DCC: variants seen among roughly 807,000 people sequenced by gnomAD.
The protein encoded by DCC is DCC netrin 1 receptor.
A neutral mutation model predicts 172.5 loss-of-function variants in DCC; 58 were observed. The observed-to-expected ratio is 0.34, with a 90% CI of 0.27 to 0.42. The LOEUF is 0.42. Among genes scored for constraint, DCC ranks in the 10% least tolerant of loss-of-function variants. DCC has a pLI of 1.00. For missense variants in DCC, 1,740 were observed against 1,791.0 expected (o/e 0.97, Z 0.51); for synonymous variants, 709 against 644.5 (o/e 1.10, Z -1.52).
intron 7 of DCC, among the ~76,000 whole-genome samples, chr18:53,134,142 A>G (rs1263763018): frequency 1.3e-5 from 2 of 152,168 alleles, no homozygotes; most frequent in East Asian, 1.9e-4. Flanking sequence ...TTAAATATCT[A>G]TTTACAGCAA....
chr18:53,529,191 G>A (rs954434321), intron 28 of DCC, among the ~76,000 whole-genome samples: 1 of 152,076 alleles, frequency 6.6e-6, no homozygotes, highest in Non-Finnish European at 1.5e-5. Flanking sequence ...GACATGCTGA[G>A]ATTTCTATAG....
chr18:52,356,458 G>A (rs977541418), intron 1 of DCC, among the ~76,000 whole-genome samples: 32 of 152,164 alleles, frequency 2.1e-4, no homozygotes, highest in East Asian at 1.4e-3. Flanking sequence ...TACATTTTGC[G>A]GCCAAAGGGC....
chr18:53,494,750 T>C (rs1214641319), intron 26 of DCC, among the ~76,000 whole-genome samples: 1 of 152,238 alleles, frequency 6.6e-6, no homozygotes, highest in Non-Finnish European at 1.5e-5. Context: ...CTGATGGGTC[T>C]TGATTCTTTA....
chr18:53,109,616 C>G (rs2043301429), intron 7 of DCC, among the ~76,000 whole-genome samples: 1 of 125,622 alleles, frequency 8.0e-6, no homozygotes, highest in South Asian at 2.8e-4. Context: ...TTCCTTCTTT[C>G]CTTAGCTGGT....
intron 1 of DCC, among the ~76,000 whole-genome samples, chr18:52,643,517 C>T (rs2034952520): frequency 6.6e-6 from 1 of 152,176 alleles, no homozygotes; most frequent in Non-Finnish European, 1.5e-5. Context: ...CCTCCTGAAA[C>T]TATATTTTCT....
chr18:53,138,283 C>T (rs1477027300), intron 7 of DCC, among the ~76,000 whole-genome samples: 1 of 152,140 alleles, frequency 6.6e-6, no homozygotes, highest in Non-Finnish European at 1.5e-5. Context: ...TTTCCATCTT[C>T]CTCGTCAGTA....
At chr18:53,364,403 T>G (rs1480090839) in intron 15 of DCC, among the ~76,000 whole-genome samples, 3 of 152,042 alleles carry the variant, frequency 2.0e-5, no homozygotes, top group African/African-American at 7.2e-5. Context: ...AACTGGGAAA[T>G]GTAGTCTAAT....
chr18:53,145,602 C>T (rs1312085689), intron 7 of DCC, among the ~76,000 whole-genome samples: 1 of 152,100 alleles, frequency 6.6e-6, no homozygotes, highest in African/African-American at 2.4e-5. Context: ...TATATTTCTG[C>T]TGTTGATAGA....
intron 2 of DCC, among the ~76,000 whole-genome samples, chr18:52,846,595 T>TGC (rs200781139): frequency 0.031 from 3,869 of 123,194 alleles, 163 homozygotes; most frequent in African/African-American, 0.11. Context: ...TATCTCCCCC[T>TGC]TCTGCCACTC....
intron 5 of DCC, among the ~76,000 whole-genome samples, chr18:53,005,019 T>C (rs2041623113): frequency 6.6e-6 from 1 of 152,166 alleles, no homozygotes; most frequent in African/African-American, 2.4e-5. Context: ...ACAGTGAATT[T>C]AGCCCCTTCT....
At chr18:52,965,829 T>C (rs1161723000) in intron 5 of DCC, among the ~76,000 whole-genome samples, 1 of 152,204 alleles carries the variant, frequency 6.6e-6, no homozygotes, top group Non-Finnish European at 1.5e-5. Flanking sequence ...AAATGAGTTC[T>C]CTTTCCACTG....
intron 15 of DCC, among the ~76,000 whole-genome samples, chr18:53,384,847 A>T (rs34228706): frequency 0.45 from 40,957 of 90,094 alleles, 6,151 homozygotes; most frequent in East Asian, 0.61. Flanking sequence ...TACCTCAATA[A>T]TTTTTTTTTC....
At chr18:52,980,123 G>T (rs2041185305) in intron 5 of DCC, among the ~76,000 whole-genome samples, 1 of 152,146 alleles carries the variant, frequency 6.6e-6, no homozygotes, top group Non-Finnish European at 1.5e-5. Flanking sequence ...GATGCTTGAT[G>T]CTTCTGCAAG....
chr18:53,351,443 G>GTATA (rs10671545), intron 15 of DCC, among the ~76,000 whole-genome samples: 4,321 of 30,144 alleles, frequency 0.14, 409 homozygotes, highest in Non-Finnish European at 0.22. Context: ...TATATACAGT[G>GTATA]TATATATATA....
chr18:53,019,848 T>C (rs1237684742), intron 5 of DCC, among the ~76,000 whole-genome samples: 1 of 152,180 alleles, frequency 6.6e-6, no homozygotes, highest in Non-Finnish European at 1.5e-5. Context: ...AAGCCTAACA[T>C]GTTTATTGTC....
In DCC at chr18:52,895,835, A is replaced by T. The variant is rs538629592; in HGVS notation, c.413-10209A>T. Among the ~76,000 whole-genome samples, 185 of 152,206 alleles carry T rather than the reference A, an allele frequency of 1.2e-3. 1 individual carries two copies. Among genetic ancestry groups the T allele is most frequent in the African/African-American group, 4.2e-3 (175 of 41,512 alleles). On this transcript the variant is annotated intron_variant, in intron 2 of 28. Transcript: ENST00000442544. ...ACTGTTGCTGTGTTGCCCAGGCTGG[A>T]GTGCAGTGGCGCAATCTTGGCTTAT...
At chr18:53,170,310 C>T (rs1568343954) in intron 8 of DCC, among the ~76,000 whole-genome samples, 1 of 152,124 alleles carries the variant, frequency 6.6e-6, no homozygotes, top group Admixed American at 6.5e-5. Flanking sequence ...GTTTCCAGCC[C>T]TTTAAAAATG....
chr18:53,009,422 CAAT>C (rs1241966640), intron 5 of DCC, among the ~76,000 whole-genome samples: 1 of 151,796 alleles, frequency 6.6e-6, no homozygotes, highest in Non-Finnish European at 1.5e-5. Flanking sequence ...ATGATGGTGT[CAAT>C]AAGACACTAA....
At chr18:53,342,745 A>G (rs2057675063) in intron 15 of DCC, among the ~76,000 whole-genome samples, 1 of 133,426 alleles carries the variant, frequency 7.5e-6, no homozygotes, top group Admixed American at 7.5e-5. Context: ...ATATATATAT[A>G]TATGGATATA....
Sources: allele counts gnomAD v4.1 joint callset (sites outside exome capture counted in the v4.1 genomes callset), GRCh38; gene constraint gnomAD v4.1.1; transcripts MANE v1.5; gene names NCBI Gene and HGNC (gene_info 2026-07-23, HGNC 2026-07-21).